Variants in ZNF462 observed in about 807,000 individuals in gnomAD.
ZNF462 encodes the protein zinc finger PBX1-interacting protein.
A neutral mutation model predicts 201.9 loss-of-function variants in ZNF462; 10 were observed. The ratio of observed to expected loss-of-function variants is 0.05; its 90% CI spans 0.03 to 0.08. The LOEUF (loss-of-function observed/expected upper bound fraction) is 0.08, where lower values mean the gene tolerates loss of function less well. ZNF462 is among the 10% of genes least tolerant of loss of function. The probability of loss-of-function intolerance (pLI) is 1.00; values close to 1 mark genes in which losing one functional copy is unlikely to be tolerated. For synonymous variants in ZNF462, 1,227 were observed against 1,193.3 expected (o/e 1.03, Z -0.58); for missense variants, 2,523 against 3,168.3 (o/e 0.80, Z 4.89).
rs1352254615 is a variant in ZNF462, at chr9:106,963,728, T to A, written c.6428-8277T>A. The stretch of plus-strand genomic sequence containing the variant: ...TGGGAATTTACCCTCTTAACAAATT[T>A]CTAAGTATATAGGATAGTATTGTTA... On this transcript the variant is annotated intron_variant, in intron 7 of 12. Transcript: ENST00000277225. The surrounding 1 kb of genome is among the most constrained non-coding windows in gnomAD (Gnocchi z 4.7). Among the ~76,000 whole-genome samples the A allele has an allele frequency of 6.6e-6, 1 of 152,048 alleles. No individual in the cohort carries two copies. Among genetic ancestry groups the A allele is most frequent in the Non-Finnish European group, 1.5e-5 (1 of 67,960 alleles).
chr9:106,925,581 C>T lies in ZNF462; in HGVS notation c.1669C>T (p.Pro557Ser). 1 of 1,612,646 alleles carries T rather than the reference C, an allele frequency of 6.2e-7. No homozygotes were observed. Among genetic ancestry groups the T allele is most frequent in the Non-Finnish European group, 8.5e-7 (1 of 1,179,176 alleles). Residue 557 changes from proline to serine, a missense_variant, in exon 3 of 13, where the codon CCA (proline) becomes TCA (serine). Transcript: ENST00000277225. The surrounding 1 kb of genome is among the most constrained non-coding windows in gnomAD (Gnocchi z 7.9). ...PPPPPPPPSQ[P>S]QPLQQPQPPQ... ...GCCGCCGCCACCACCACCATCACAGCCACAGCCACTGCAGCAGCCACAGCC... is the reference window on the plus strand; with the variant it reads ...GCCGCCGCCACCACCACCATCACAGTCACAGCCACTGCAGCAGCCACAGCC...
At chr9:106,969,406 G>T (rs1364338402) in intron 7 of ZNF462, among the ~76,000 whole-genome samples, 1 of 152,054 alleles carries the variant, frequency 6.6e-6, no homozygotes, top group Non-Finnish European at 1.5e-5. Context: ...TTTGTTTTTT[G>T]AGATGGATGA....
At position 106,972,690 on chromosome 9, in the gene ZNF462, GAAAATTCTTTA is replaced by G. The variant is rs570534811; in HGVS notation, c.6695+420_6695+430del. On this transcript the variant is annotated intron_variant, in intron 8 of 12. Coordinates refer to ENST00000277225, the MANE Select transcript of ZNF462 (RefSeq NM_021224.6). This position sits in a 1 kb window ranked among gnomAD's most constrained non-coding sequence, Gnocchi z 4.8. ...TAGTGTCTTCCCTGCTCCCCTGATA[GAAAATTCTTTA>G]ATTCTTAAGATCGTAGTATTGAAAG... 0.013 allele frequency among the ~76,000 whole-genome samples: 1,985 copies of G among 152,214 alleles called. 14 individuals are homozygous for G. Among genetic ancestry groups the G allele is most frequent in the Non-Finnish European group, 0.021 (1,415 of 67,996 alleles).
Position 106,922,618 on chromosome 9 carries a change from G to A in ZNF462, c.-30-736G>A, listed in dbSNP as rs1830032347. Among the ~76,000 whole-genome samples the A allele has an allele frequency of 3.3e-5, 5 of 152,140 alleles. No individual in the cohort carries two copies. In the South Asian group the frequency reaches 1.0e-3, roughly 31 times the overall value. On this transcript the variant is annotated intron_variant, in intron 1 of 12. Transcript: ENST00000277225. The stretch of plus-strand genomic sequence containing the variant: ...AACAGAAACTGGATTGTCATCCAAA[G>A]TTGGTTGTTTGAAAATCTCATGAGG...
chr9:107,006,555 C>A lies in ZNF462; in HGVS notation c.7190-2990C>A, dbSNP rs1397978860. On this transcript the variant is annotated intron_variant, in intron 11 of 12. Transcript: ENST00000277225. The surrounding 1 kb of genome is among the most constrained non-coding windows in gnomAD (Gnocchi z 4.3). ...GCCCTTGGGACCTTGCTGTAAGGAGCAGTTTTGCAGAATTTCTTTGTGTTT... is the reference window on the plus strand; with the variant it reads ...GCCCTTGGGACCTTGCTGTAAGGAGAAGTTTTGCAGAATTTCTTTGTGTTT... Among the ~76,000 whole-genome samples the A allele has an allele frequency of 6.6e-6, 1 of 152,036 alleles. No homozygotes were observed. Among genetic ancestry groups the A allele is most frequent in the Non-Finnish European group, 1.5e-5 (1 of 67,992 alleles).
At chr9:106,965,698 T>G (rs1485351769) in intron 7 of ZNF462, among the ~76,000 whole-genome samples, 1 of 152,068 alleles carries the variant, frequency 6.6e-6, no homozygotes, top group African/African-American at 2.4e-5. Context: ...GTGGTGAGTT[T>G]CAGGAGTCCA....
At chr9:106,940,751 T>A (rs1017897229) in intron 7 of ZNF462, among the ~76,000 whole-genome samples, 1 of 152,012 alleles carries the variant, frequency 6.6e-6, no homozygotes, top group African/African-American at 2.4e-5. Flanking sequence ...AAGCCTGTAG[T>A]GTTTTTTTTT....
At chr9:106,934,028 A>C (rs1274332897) in intron 5 of ZNF462, among the ~76,000 whole-genome samples, 1 of 152,206 alleles carries the variant, frequency 6.6e-6, no homozygotes, top group Non-Finnish European at 1.5e-5. Context: ...TGCTGGTAAA[A>C]GGAAGAGTCA....
In ZNF462 at chr9:106,913,851, C is replaced by G. The variant is rs1483404178; in HGVS notation, c.-30-9503C>G. On this transcript the variant is annotated intron_variant, in intron 1 of 12. Transcript: ENST00000277225. This position sits in a 1 kb window ranked among gnomAD's most constrained non-coding sequence, Gnocchi z 4.1. The stretch of plus-strand genomic sequence containing the variant: ...TCCTTACCTCAAGTGATCTGCCCGC[C>G]TCAGCCTCCCAAAGTGCTAGGATTA... Among the ~76,000 whole-genome samples the G allele has an allele frequency of 6.6e-6, 1 of 150,492 alleles. No homozygotes were observed. The highest frequency in any genetic ancestry group is 1.5e-5 in the Non-Finnish European group (1 of 67,378).
chr9:106,923,619 A>T lies in ZNF462; in HGVS notation c.220+16A>T. ...GATTTATCAGGTAAATCTATACTAA[A>T]CTTGGCACGGCCGATGTATTTTAAT... is the stretch of plus-strand genomic sequence containing the variant. On this transcript the variant is annotated intron_variant, in intron 2 of 12. Coordinates refer to ENST00000277225, the MANE Select transcript of ZNF462 (RefSeq NM_021224.6). The surrounding 1 kb of genome is among the most constrained non-coding windows in gnomAD (Gnocchi z 5.6). 3 of 1,610,880 alleles carry T rather than the reference A, an allele frequency of 1.9e-6. No individual in the cohort carries two copies. The highest frequency in any genetic ancestry group is 2.5e-6 in the Non-Finnish European group (3 of 1,177,124).
rs1319767021 is a variant in ZNF462, at chr9:106,895,883, G to A, written c.-30-27471G>A. On this transcript the variant is annotated intron_variant, in intron 1 of 12. Transcript: ENST00000277225. This position sits in a 1 kb window ranked among gnomAD's most constrained non-coding sequence, Gnocchi z 4.4. ...GAATTATTCATAGACAAACCATTCAGTCTGGTTATGATGTTCACCTCCCCT... is the reference window on the plus strand; with the variant it reads ...GAATTATTCATAGACAAACCATTCAATCTGGTTATGATGTTCACCTCCCCT... Among the ~76,000 whole-genome samples, 2 of 152,088 alleles carry A rather than the reference G, an allele frequency of 1.3e-5. No homozygotes were observed. The highest frequency in any genetic ancestry group is 4.8e-5 in the African/African-American group (2 of 41,388).
chr9:106,996,756 T>TC (rs1349055585), intron 10 of ZNF462, among the ~76,000 whole-genome samples: 3 of 152,178 alleles, frequency 2.0e-5, no homozygotes, highest in Admixed American at 2.0e-4. Flanking sequence ...TTTCTCCTGT[T>TC]CTATAGGTTG....
At position 107,011,315 on chromosome 9, in the gene ZNF462, A is replaced by G. The variant is rs117502080; in HGVS notation, c.*285A>G. On this transcript the variant is annotated 3_prime_UTR_variant, in exon 13 of 13. Coordinates refer to ENST00000277225, the MANE Select transcript of ZNF462 (RefSeq NM_021224.6). This position sits in a 1 kb window ranked among gnomAD's most constrained non-coding sequence, Gnocchi z 5.6. Reference sequence around the variant, plus strand: ...TTGCGGAATATGGAAGCACCTCCCAATGGTACGGTGCACCCTGTGGTGGTC... The same window carrying G: ...TTGCGGAATATGGAAGCACCTCCCAGTGGTACGGTGCACCCTGTGGTGGTC... 9,416 of 379,942 alleles carry G rather than the reference A, an allele frequency of 0.025. 144 individuals are homozygous for G. The highest frequency in any genetic ancestry group is 0.058 in the Middle Eastern group (70 of 1,200). 23.5% of individuals were successfully genotyped at this position (379,942 alleles called of 1,614,324 possible).
intron 10 of ZNF462, among the ~76,000 whole-genome samples, chr9:106,992,022 A>G (rs1828321225): frequency 6.6e-6 from 1 of 151,996 alleles, no homozygotes; most frequent in Non-Finnish European, 1.5e-5. Flanking sequence ...ACTAAAAGAA[A>G]AAAGAAGACA....
intron 7 of ZNF462, among the ~76,000 whole-genome samples, chr9:106,947,379 T>C (rs1276098387): frequency 3.3e-5 from 5 of 152,228 alleles, no homozygotes; most frequent in Non-Finnish European, 7.3e-5. Context: ...TTTGATGCAC[T>C]GTGAGTCCTC....
chr9:106,960,489 G>A, intron 7 of ZNF462, among the ~76,000 whole-genome samples: 1 of 152,062 alleles, frequency 6.6e-6, no homozygotes, highest in East Asian at 1.9e-4. Context: ...AACACTTTTT[G>A]TTGGATTTTT....
chr9:106,933,039 A>C lies in ZNF462; in HGVS notation c.6116+490A>C. On this transcript the variant is annotated intron_variant, in intron 5 of 12. Coordinates refer to ENST00000277225, the MANE Select transcript of ZNF462 (RefSeq NM_021224.6). The surrounding 1 kb of genome is among the most constrained non-coding windows in gnomAD (Gnocchi z 4.3). ...CCAAAGAGTTGCTTGACATACAGGG[A>C]GATTGAGGAGAGGGAGCTTCCCATT... is the stretch of plus-strand genomic sequence containing the variant. 1 of 184,222 alleles carries C rather than the reference A, an allele frequency of 5.4e-6. No individual in the cohort carries two copies. Among genetic ancestry groups the C allele is most frequent in the South Asian group, 1.0e-4 (1 of 9,566 alleles). 11.4% of individuals were successfully genotyped at this position (184,222 alleles called of 1,614,324 possible).
intron 1 of ZNF462, among the ~76,000 whole-genome samples, chr9:106,912,233 C>T (rs1277162431): frequency 6.8e-6 from 1 of 147,738 alleles, no homozygotes; most frequent in Non-Finnish European, 1.5e-5. Flanking sequence ...AAAGCTACTA[C>T]ATAACATTGT....
chr9:106,860,185 G>C (rs1256564291), upstream of ZNF462, among the ~76,000 whole-genome samples: 1 of 152,206 alleles, frequency 6.6e-6, no homozygotes, highest in East Asian at 1.9e-4. The surrounding 1 kb of genome is among the most constrained non-coding windows in gnomAD (Gnocchi z 7.1). Context: ...CGGCCGGTTC[G>C]GGAGCTTTCT....
Sources: allele counts gnomAD v4.1 joint callset (sites outside exome capture counted in the v4.1 genomes callset), GRCh38; gene constraint gnomAD v4.1.1; non-coding constraint Gnocchi (gnomAD v3.1); transcripts MANE v1.5; gene names NCBI Gene and HGNC (gene_info 2026-07-23, HGNC 2026-07-21).